The following RPTOR variants were observed in gnomAD, a reference collection of about 807,000 sequenced individuals.
The protein encoded by RPTOR is regulatory-associated protein of mTOR.
In RPTOR, 21 loss-of-function variants were observed where a neutral mutation model predicts 169.9. That is an observed-to-expected ratio of 0.12 (90% confidence interval 0.09 to 0.18). The LOEUF (loss-of-function observed/expected upper bound fraction) is 0.18. Among genes scored for constraint, RPTOR ranks in the 10% least tolerant of loss-of-function variants. RPTOR has a pLI of 1.00. For synonymous variants in RPTOR, 732 were observed against 753.2 expected, an observed-to-expected ratio of 0.97 and a Z score of 0.46; for missense variants, 1,133 against 1,855.9, an observed-to-expected ratio of 0.61 and a Z score of 7.16.
intron 7 of RPTOR, among the ~76,000 whole-genome samples, chr17:80,816,885 T>C (rs1225009113): frequency 2.0e-5 from 3 of 152,192 alleles, no homozygotes; most frequent in African/African-American, 7.2e-5. Flanking sequence ...CAGCAGCCAG[T>C]GGTCTCCCCG....
intron 20 of RPTOR, among the ~76,000 whole-genome samples, chr17:80,896,906 T>G (rs958009633): frequency 2.0e-4 from 30 of 152,248 alleles, no homozygotes; most frequent in Non-Finnish European, 2.9e-5. Context: ...TGACGTTACC[T>G]TTCAGTTTTT....
intron 6 of RPTOR, among the ~76,000 whole-genome samples, chr17:80,778,611 A>G (rs1484180858): frequency 6.6e-6 from 1 of 152,192 alleles, no homozygotes; most frequent in Non-Finnish European, 1.5e-5. Context: ...AGCCTGGGCA[A>G]CATAGCAACA....
rs773499465 is a variant in RPTOR, at chr17:80,962,931, C to G, written c.3813C>G (p.Gly1271=). The change falls in exon 33 of 34, where the codon GGC becomes GGG. Residue 1271 remains glycine, a synonymous_variant. Transcript: ENST00000306801. ...GGGACCCTTTCTCTCCCCACAGTGG[C>G]TCCGTCAATCAGTTCACCGCCATCT... ...IHPQADLIAC[G]SVNQFTAIYN... is the part of the protein sequence containing the mutation. 8 of 1,613,480 alleles carry G rather than the reference C, an allele frequency of 5.0e-6. No individual in the cohort carries two copies. The highest frequency in any genetic ancestry group is 6.8e-6 in the Non-Finnish European group (8 of 1,179,942).
chr17:80,896,718 G>A (rs954329808), intron 20 of RPTOR, among the ~76,000 whole-genome samples: 10 of 152,196 alleles, frequency 6.6e-5, no homozygotes, highest in Admixed American at 2.0e-4. Context: ...TTTCTGTGTC[G>A]ACAGCAGCCT....
At chr17:80,647,185 T>G (rs1415950392) in intron 3 of RPTOR, among the ~76,000 whole-genome samples, 1 of 152,242 alleles carries the variant, frequency 6.6e-6, no homozygotes, top group Non-Finnish European at 1.5e-5. Context: ...AGTTTGCCAC[T>G]GATGAAATGT....
intron 2 of RPTOR, among the ~76,000 whole-genome samples, chr17:80,632,663 T>G (rs2065450977): frequency 6.6e-6 from 1 of 152,192 alleles, no homozygotes; most frequent in Admixed American, 6.5e-5. Context: ...ATTTGGCCTT[T>G]ATTAAAAAAT....
chr17:80,668,014 A>C (rs2143671591), intron 3 of RPTOR, among the ~76,000 whole-genome samples: 1 of 152,322 alleles, frequency 6.6e-6, no homozygotes, highest in Non-Finnish European at 1.5e-5. Flanking sequence ...GGTTTAATGC[A>C]AACAGATGAC....
chr17:80,553,953 G>A (rs532744616), intron 1 of RPTOR, among the ~76,000 whole-genome samples: 1 of 152,050 alleles, frequency 6.6e-6, no homozygotes, highest in Non-Finnish European at 1.5e-5. Flanking sequence ...TATTGGCCAG[G>A]CTGGTCTCGA....
At chr17:80,811,878 C>T (rs111967273) in intron 7 of RPTOR, among the ~76,000 whole-genome samples, 153 of 129,522 alleles carry the variant, frequency 1.2e-3, no homozygotes, top group Non-Finnish European at 2.4e-3. Flanking sequence ...GACACAGCCA[C>T]GCCCTCTCCA....
At chr17:80,767,068 C>G (rs1368262848) in intron 6 of RPTOR, among the ~76,000 whole-genome samples, 4 of 152,130 alleles carry the variant, frequency 2.6e-5, no homozygotes, top group African/African-American at 9.7e-5. Flanking sequence ...CTTACTGATC[C>G]TACAGATGTT....
chr17:80,676,036 T>TGTCTAGTATCAAGTGTAGCC (rs1555605612), intron 3 of RPTOR, among the ~76,000 whole-genome samples: 13,488 of 152,178 alleles, frequency 0.089, 697 homozygotes, highest in East Asian at 0.25. Flanking sequence ...AAAATGTAGC[T>TGTCTAGTATCAAGTGTAGCC]GAGTGTCTAG....
At chr17:80,761,900 A>T (rs984677971) in intron 6 of RPTOR, among the ~76,000 whole-genome samples, 4 of 152,202 alleles carry the variant, frequency 2.6e-5, no homozygotes, top group African/African-American at 7.2e-5. Context: ...GCTCTTTTGT[A>T]GTATCCCACT....
rs892531728 is a variant in RPTOR at position 80,878,158 on chromosome 17, G to C, written c.1510-2257G>C. On this transcript the variant is annotated intron_variant, in intron 13 of 33. Transcript: ENST00000306801. This position sits in a 1 kb window ranked among gnomAD's most constrained non-coding sequence, Gnocchi z 4.1. ...TCCTCTGGAAAGGAGCATGCTGGGAGCTGGCAGAACGCACGCCTCACTCTG... is the reference window on the plus strand; with the variant it reads ...TCCTCTGGAAAGGAGCATGCTGGGACCTGGCAGAACGCACGCCTCACTCTG... Among the ~76,000 whole-genome samples, 1 of 152,196 alleles carries C rather than the reference G, an allele frequency of 6.6e-6. No individual in the cohort carries two copies. The highest frequency in any genetic ancestry group is 1.9e-4 in the East Asian group (1 of 5,198).
At chr17:80,578,368 G>A (rs1404944775) in intron 1 of RPTOR, among the ~76,000 whole-genome samples, 1 of 152,174 alleles carries the variant, frequency 6.6e-6, no homozygotes, top group African/African-American at 2.4e-5. Context: ...CTCCAAAGTG[G>A]CGTGTCAGCT....
At chr17:80,684,874 C>T (rs2065925031) in intron 3 of RPTOR, among the ~76,000 whole-genome samples, 1 of 152,240 alleles carries the variant, frequency 6.6e-6, no homozygotes, top group South Asian at 2.1e-4. Flanking sequence ...GGGACTTTCT[C>T]TTCCTTTTTT....
rs576253107 is a variant in RPTOR, at chr17:80,607,010, T to TG, written c.163-18680dup. 3.7e-4 allele frequency among the ~76,000 whole-genome samples: 56 copies of TG among 152,352 alleles called. 1 individual carries two copies. In the South Asian group the frequency reaches 0.01, roughly 28 times the overall value. ...AATCTACAGTAGGTCGTATTACAGATGCAGCACATGAAGGCGCCCACACAT... is the reference window on the plus strand; with the variant it reads ...AATCTACAGTAGGTCGTATTACAGATGGCAGCACATGAAGGCGCCCACACAT... On this transcript the variant is annotated intron_variant, in intron 1 of 33. Transcript: ENST00000306801.
intron 14 of RPTOR, among the ~76,000 whole-genome samples, chr17:80,883,142 G>A (rs1050175181): frequency 6.6e-6 from 1 of 152,236 alleles, no homozygotes; most frequent in Non-Finnish European, 1.5e-5. Flanking sequence ...GCCTGTGACA[G>A]AGGAGGCATC....
chr17:80,720,285 G>T (rs952981197), intron 4 of RPTOR, among the ~76,000 whole-genome samples: 3 of 150,448 alleles, frequency 2.0e-5, no homozygotes, highest in Non-Finnish European at 4.4e-5. Flanking sequence ...CAACAAGAGA[G>T]AAACTGTCTC....
intron 23 of RPTOR, chr17:80,923,888 T>A (rs1479321078): frequency 1.7e-6 from 1 of 573,038 alleles, no homozygotes; most frequent in Admixed American, 3.4e-5. Context: ...GGAGCACTGC[T>A]GGGTGTGTCC....
Sources: gnomAD v4.1 joint callset for allele counts (sites outside exome capture counted in the v4.1 genomes callset) on GRCh38, gnomAD v4.1.1 for gene constraint, Gnocchi (gnomAD v3.1) non-coding constraint, MANE v1.5 for transcripts, NCBI Gene and HGNC (gene_info 2026-07-23, HGNC 2026-07-21) for gene names.